TMEM132C: variants seen among roughly 807,000 people sequenced by gnomAD.
TMEM132C encodes the protein protein phosphatase 1, regulatory subunit 152.
Under a neutral mutation model 61.4 loss-of-function variants are expected in TMEM132C, and 29 were observed. The ratio of observed to expected loss-of-function variants is 0.47; its 90% CI spans 0.35 to 0.64. The LOEUF is 0.64. Among genes scored for constraint, TMEM132C ranks in the 30% least tolerant of loss-of-function variants. The pLI is 0.00. For missense variants in TMEM132C, 1,408 were observed against 1,476.9 expected (o/e 0.95, Z 0.76); for synonymous variants, 656 against 633.1 (o/e 1.04, Z -0.54).
chr12:128,461,029 G>C lies in TMEM132C; in HGVS notation c.974+45409G>C, dbSNP rs534951927. Reference sequence around the variant, plus strand: ...TCTTTGTGTTGTTTTTTAAAAGAAAGTTAATGAAGGCATGTTTGCAAAAAA... The same window carrying C: ...TCTTTGTGTTGTTTTTTAAAAGAAACTTAATGAAGGCATGTTTGCAAAAAA... On this transcript the variant is annotated intron_variant, in intron 2 of 8. Transcript: ENST00000435159. Among the ~76,000 whole-genome samples, 214 of 152,238 alleles carry C rather than the reference G, an allele frequency of 1.4e-3. 1 individual carries two copies. Among genetic ancestry groups the C allele is most frequent in the African/African-American group, 5.0e-3 (209 of 41,550 alleles).
At chr12:128,484,840 C>T (rs895328985) in intron 2 of TMEM132C, among the ~76,000 whole-genome samples, 1 of 152,026 alleles carries the variant, frequency 6.6e-6, no homozygotes, top group African/African-American at 2.4e-5. Context: ...TGCCTGTAGT[C>T]CCAGCTACTT....
chr12:128,297,049 CT>C (rs370527381), intron 1 of TMEM132C, among the ~76,000 whole-genome samples: 2,691 of 149,730 alleles, frequency 0.018, 73 homozygotes, highest in African/African-American at 0.061. Context: ...GTCAAATGGT[CT>C]TTTTTTTTTC....
intron 1 of TMEM132C, among the ~76,000 whole-genome samples, chr12:128,317,683 G>A (rs569236753): frequency 2.0e-5 from 3 of 152,264 alleles, no homozygotes; most frequent in East Asian, 3.9e-4. Flanking sequence ...TCAGCAGTTC[G>A]AGCCCAGTCT....
intron 1 of TMEM132C, among the ~76,000 whole-genome samples, chr12:128,343,164 G>T (rs1238595762): frequency 6.6e-6 from 1 of 152,082 alleles, no homozygotes; most frequent in African/African-American, 2.4e-5. Flanking sequence ...GATGGCTCAT[G>T]CCTGTAATCC....
intron 3 of TMEM132C, among the ~76,000 whole-genome samples, chr12:128,562,694 A>T (rs1163047797): frequency 6.6e-6 from 1 of 152,168 alleles, no homozygotes; most frequent in East Asian, 1.9e-4. Context: ...GGAGCAGACA[A>T]GGGCAAGCGA....
At chr12:128,404,106 A>G (rs1366499388) in intron 1 of TMEM132C, among the ~76,000 whole-genome samples, 1 of 152,232 alleles carries the variant, frequency 6.6e-6, no homozygotes, top group Non-Finnish European at 1.5e-5. Flanking sequence ...GTGTTTCTCA[A>G]GAAAATCACC....
chr12:128,540,899 T>G (rs1369465326), intron 2 of TMEM132C, among the ~76,000 whole-genome samples: 4 of 152,116 alleles, frequency 2.6e-5, no homozygotes, highest in Admixed American at 6.5e-5. Flanking sequence ...TGATACCAAC[T>G]GCAAGCCCTG....
At chr12:128,391,358 A>G (rs1289315672) in intron 1 of TMEM132C, among the ~76,000 whole-genome samples, 1 of 152,188 alleles carries the variant, frequency 6.6e-6, no homozygotes, top group Admixed American at 6.5e-5. Context: ...TGAGAGGCTC[A>G]CTGTGGTGGG....
chr12:128,666,181 A>C (rs1366785969), intron 4 of TMEM132C, among the ~76,000 whole-genome samples: 2 of 149,250 alleles, frequency 1.3e-5, no homozygotes, highest in Admixed American at 1.3e-4. Flanking sequence ...GCACACACAC[A>C]CATACACACA....
chr12:128,411,910 C>T (rs1022221461), intron 1 of TMEM132C, among the ~76,000 whole-genome samples: 5 of 152,166 alleles, frequency 3.3e-5, no homozygotes, highest in African/African-American at 9.7e-5. Flanking sequence ...CCTTCCCTTA[C>T]GGTGAGACAC....
chr12:128,521,649 C>A (rs4882770), intron 2 of TMEM132C, among the ~76,000 whole-genome samples: 143,754 of 152,148 alleles, frequency 0.94, 68,380 homozygotes, highest in East Asian at 1. Flanking sequence ...GGTTAGAAAA[C>A]TAGCAATATC....
intron 4 of TMEM132C, among the ~76,000 whole-genome samples, chr12:128,649,235 C>G (rs1441277615): frequency 6.6e-6 from 1 of 152,204 alleles, no homozygotes; most frequent in Admixed American, 6.5e-5. Context: ...AAGTGCGGTG[C>G]AGGTCAGCCT....
intron 4 of TMEM132C, among the ~76,000 whole-genome samples, chr12:128,659,418 C>T (rs1237580474): frequency 6.6e-6 from 1 of 152,228 alleles, no homozygotes; most frequent in Non-Finnish European, 1.5e-5. Context: ...TCAGCATCTA[C>T]TTTGAATTAG....
rs58748919 is a variant in TMEM132C, at chr12:128,358,493, TTGTG to T, written c.86-56209_86-56206del. 6.9e-3 allele frequency among the ~76,000 whole-genome samples: 1,000 copies of T among 145,006 alleles called. 13 individuals are homozygous for T. Among genetic ancestry groups the T allele is most frequent in the African/African-American group, 0.024 (940 of 39,188 alleles). ...GAAGATGCCATGACCACTTTTAAAA[TTGTG>T]TGTGTGTGTGTGTGTGTGTGTGTGT... On this transcript the variant is annotated intron_variant, in intron 1 of 8. Coordinates refer to ENST00000435159, the MANE Select transcript of TMEM132C (RefSeq NM_001136103.3).
Position 128,326,927 on chromosome 12 carries a change from G to A in TMEM132C, c.85+59440G>A, listed in dbSNP as rs566210087. Reference sequence around the variant, plus strand: ...AATTCTGGGAAGCTCAAGATTAGCCGTGTCGTAGGGGGAAAATGTTAGAAC... The same window carrying A: ...AATTCTGGGAAGCTCAAGATTAGCCATGTCGTAGGGGGAAAATGTTAGAAC... On this transcript the variant is annotated intron_variant, in intron 1 of 8. Transcript: ENST00000435159. This position sits in a 1 kb window ranked among gnomAD's most constrained non-coding sequence, Gnocchi z 5.6. 6.0e-5 allele frequency among the ~76,000 whole-genome samples: 9 copies of A among 149,956 alleles called. No individual in the cohort carries two copies. In the South Asian group the frequency reaches 1.5e-3, roughly 24 times the overall value.
At chr12:128,580,007 G>T (rs182767663) in intron 3 of TMEM132C, among the ~76,000 whole-genome samples, 2 of 152,140 alleles carry the variant, frequency 1.3e-5, no homozygotes, top group African/African-American at 4.8e-5. Flanking sequence ...TGTGACACAC[G>T]TGTTCGCAGG....
intron 4 of TMEM132C, among the ~76,000 whole-genome samples, chr12:128,657,907 TGG>T (rs1306521248): frequency 6.6e-6 from 1 of 152,256 alleles, no homozygotes; most frequent in Admixed American, 6.5e-5. Context: ...GGCACTGACC[TGG>T]GATTTTTTGT....
Position 128,428,807 on chromosome 12 carries a change from G to C in TMEM132C, c.974+13187G>C, listed in dbSNP as rs140997618. ...CTGTGCCACCAGGACGGGTTCCCCAGCCTTTCTGTGCTTCAGTTTCTACAT... is the reference window on the plus strand; with the variant it reads ...CTGTGCCACCAGGACGGGTTCCCCACCCTTTCTGTGCTTCAGTTTCTACAT... On this transcript the variant is annotated intron_variant, in intron 2 of 8. Coordinates refer to ENST00000435159, the MANE Select transcript of TMEM132C (RefSeq NM_001136103.3). 4.8e-3 allele frequency among the ~76,000 whole-genome samples: 735 copies of C among 152,306 alleles called. 8 individuals are homozygous for C. Among genetic ancestry groups the C allele is most frequent in the African/African-American group, 0.017 (689 of 41,564 alleles).
At chr12:128,469,177 C>T (rs1297301451) in intron 2 of TMEM132C, among the ~76,000 whole-genome samples, 2 of 152,106 alleles carry the variant, frequency 1.3e-5, no homozygotes, top group African/African-American at 4.8e-5. Flanking sequence ...GCAGCCTAAG[C>T]CATTTCCAGA....
Sources: gnomAD v4.1 joint callset for allele counts (sites outside exome capture counted in the v4.1 genomes callset) on GRCh38, gnomAD v4.1.1 for gene constraint, Gnocchi (gnomAD v3.1) non-coding constraint, MANE v1.5 for transcripts, NCBI Gene and HGNC (gene_info 2026-07-23, HGNC 2026-07-21) for gene names.